Variants in GRID2 observed in about 807,000 individuals in gnomAD.
GRID2 encodes glutamate ionotropic receptor delta type subunit 2.
Under a neutral mutation model 114.8 loss-of-function variants are expected in GRID2, and 33 were observed. The ratio of observed to expected loss-of-function variants is 0.29; its 90% CI spans 0.22 to 0.38. GRID2 has a LOEUF of 0.38. Ranked by LOEUF, GRID2 falls within the 10% of genes least tolerant of loss-of-function variation. The probability of loss-of-function intolerance (pLI) is 1.00; values close to 1 mark genes in which losing one functional copy is unlikely to be tolerated. For synonymous variants in GRID2, 505 were observed against 449.9 expected (o/e 1.12, Z -1.55); for missense variants, 1,184 against 1,257.7 (o/e 0.94, Z 0.89).
chr4:92,463,280 A>C (rs1356262886), intron 1 of GRID2, among the ~76,000 whole-genome samples: 1 of 151,824 alleles, frequency 6.6e-6, no homozygotes, highest in African/African-American at 2.4e-5. Flanking sequence ...TCTATTGGGA[A>C]TTTTCTTTAA....
intron 2 of GRID2, among the ~76,000 whole-genome samples, chr4:92,693,637 G>T (rs965914899): frequency 1.3e-5 from 2 of 152,034 alleles, no homozygotes; most frequent in Non-Finnish European, 2.9e-5. Flanking sequence ...AGACATTTAG[G>T]GACTGAAGTT....
chr4:93,075,839 G>T (rs1409263493), intron 2 of GRID2, among the ~76,000 whole-genome samples: 1 of 140,500 alleles, frequency 7.1e-6, no homozygotes, highest in Non-Finnish European at 1.5e-5. Flanking sequence ...TAATGCTTAT[G>T]AATTGGAATA....
intron 4 of GRID2, among the ~76,000 whole-genome samples, chr4:93,180,640 A>G (rs371717506): frequency 6.6e-6 from 1 of 152,156 alleles, no homozygotes. Flanking sequence ...CTGCTGCTTT[A>G]TCAATTAAGT....
At chr4:93,200,513 C>A (rs1168879315) in intron 4 of GRID2, among the ~76,000 whole-genome samples, 1 of 151,674 alleles carries the variant, frequency 6.6e-6, no homozygotes, top group African/African-American at 2.4e-5. Context: ...TTGCAGTGAG[C>A]CGAGATCGCG....
At chr4:92,472,849 T>C (rs1304334007) in intron 1 of GRID2, among the ~76,000 whole-genome samples, 1 of 152,164 alleles carries the variant, frequency 6.6e-6, no homozygotes. Flanking sequence ...ATGATTTGCA[T>C]GTATTTTCTC....
At chr4:93,216,674 T>C (rs1744249624) in intron 5 of GRID2, 64 bp from the exon 6 acceptor site, 3 of 1,052,336 alleles carry the variant, frequency 2.9e-6, no homozygotes, top group Non-Finnish European at 4.3e-6. Context: ...TAACAACTCA[T>C]AATAGGTTTG....
chr4:93,089,200 T>A (rs1730576600), intron 3 of GRID2, among the ~76,000 whole-genome samples: 1 of 152,124 alleles, frequency 6.6e-6, no homozygotes, highest in South Asian at 2.1e-4. Context: ...ATTATAGATA[T>A]AAGAATAAGA....
intron 3 of GRID2, among the ~76,000 whole-genome samples, chr4:93,097,519 A>G (rs543039111): frequency 6.6e-6 from 1 of 151,946 alleles, no homozygotes; most frequent in Non-Finnish European, 1.5e-5. Context: ...GCTTTTTAGT[A>G]ATTGGAATGC....
chr4:93,340,469 A>G (rs1759536753), intron 8 of GRID2, among the ~76,000 whole-genome samples: 1 of 152,096 alleles, frequency 6.6e-6, no homozygotes, highest in African/African-American at 2.4e-5. Flanking sequence ...AGGGAGCCAT[A>G]TATACTTGAA....
At chr4:93,185,144 G>T (rs1284865755) in intron 4 of GRID2, among the ~76,000 whole-genome samples, 7 of 152,150 alleles carry the variant, frequency 4.6e-5, no homozygotes, top group Admixed American at 4.6e-4. Context: ...TAACTTCAGT[G>T]AATTTTTATA....
At chr4:93,781,409 A>G (rs1247953951) in intron 1 of GRID2, among the ~76,000 whole-genome samples, 4 of 146,796 alleles carry the variant, frequency 2.7e-5, no homozygotes, top group African/African-American at 1.0e-4. Context: ...GGTGAGGCCT[A>G]CTGGGCTGCG....
At chr4:93,231,064 C>T (rs939840020) in intron 7 of GRID2, among the ~76,000 whole-genome samples, 2 of 152,050 alleles carry the variant, frequency 1.3e-5, no homozygotes, top group Non-Finnish European at 2.9e-5. Flanking sequence ...GAGACACCCA[C>T]CACAATCAGC....
intron 1 of GRID2, among the ~76,000 whole-genome samples, chr4:92,402,804 A>G (rs564872021): frequency 3.3e-5 from 5 of 152,178 alleles, no homozygotes; most frequent in African/African-American, 1.2e-4. Context: ...TTAGTCTCTA[A>G]CAAGAGAGTC....
intron 8 of GRID2, among the ~76,000 whole-genome samples, chr4:93,311,605 C>T (rs1416305414): frequency 6.6e-6 from 1 of 152,104 alleles, no homozygotes; most frequent in East Asian, 1.9e-4. Flanking sequence ...GAGAGAGCAT[C>T]AATGAGAAAA....
intron 4 of GRID2, among the ~76,000 whole-genome samples, chr4:93,126,884 A>G (rs1452319760): frequency 6.6e-6 from 1 of 152,156 alleles, no homozygotes; most frequent in African/African-American, 2.4e-5. Context: ...GGCGTGAGCC[A>G]GATAACTATT....
chr4:93,468,459 G>A (rs575592485), intron 11 of GRID2, among the ~76,000 whole-genome samples: 1 of 152,224 alleles, frequency 6.6e-6, no homozygotes, highest in South Asian at 2.1e-4. Flanking sequence ...AAGTATGTAT[G>A]GAACTGTTAC....
At chr4:93,789,915 C>G (rs1734663053) in intron 1 of GRID2, among the ~76,000 whole-genome samples, 2 of 152,164 alleles carry the variant, frequency 1.3e-5, no homozygotes, top group Non-Finnish European at 2.9e-5. Flanking sequence ...TGAGCACTGC[C>G]TGAGCTCCGC....
intron 2 of GRID2, among the ~76,000 whole-genome samples, chr4:92,827,841 T>G (rs1268518597): frequency 2.0e-5 from 3 of 152,126 alleles, no homozygotes; most frequent in Non-Finnish European, 4.4e-5. Context: ...CTTGTTATAT[T>G]GCTGACAGTT....
chr4:93,127,393 A>G lies in GRID2; in HGVS notation c.735+16440A>G, dbSNP rs116177706. Among the ~76,000 whole-genome samples the G allele has an allele frequency of 6.9e-3, 1,048 of 152,334 alleles. 19 individuals carry two copies. The highest frequency in any genetic ancestry group is 0.024 in the African/African-American group (985 of 41,588). On this transcript the variant is annotated intron_variant, in intron 4 of 15. Transcript: ENST00000282020. ...ACGATTTTTAGAACAAAATAAATGA[A>G]AAAGAAAAAGAAATGAACATATACA...
Sources: gnomAD v4.1 joint callset for allele counts (sites outside exome capture counted in the v4.1 genomes callset) on GRCh38, gnomAD v4.1.1 for gene constraint, MANE v1.5 for transcripts, NCBI Gene and HGNC (gene_info 2026-07-23, HGNC 2026-07-21) for gene names.